Variants in KLHL3 observed in about 807,000 individuals in gnomAD.
KLHL3 encodes kelch-like protein 3.
In KLHL3, 19 loss-of-function variants were observed where a neutral mutation model predicts 70.5. The observed-to-expected ratio is 0.27, with a 90% CI of 0.19 to 0.40. The LOEUF is 0.40. KLHL3 is among the 10% of genes least tolerant of loss of function. The probability of loss-of-function intolerance (pLI) is 1.00; values close to 1 mark genes in which losing one functional copy is unlikely to be tolerated. For synonymous variants in KLHL3, 258 were observed against 290.3 expected, an observed-to-expected ratio of 0.89 and a Z score of 1.13; for missense variants, 512 against 771.1, an observed-to-expected ratio of 0.66 and a Z score of 3.98.
chr5:137,650,637 T>G (rs2149891846), intron 8 of KLHL3, among the ~76,000 whole-genome samples: 1 of 152,070 alleles, frequency 6.6e-6, no homozygotes, highest in African/African-American at 2.4e-5. Flanking sequence ...CTGACCAACA[T>G]GGTGAAACCC....
rs1752883982 is a variant in KLHL3, at chr5:137,715,956, G to C, written c.134+4509C>G. Among the ~76,000 whole-genome samples, 3 of 152,116 alleles carry C rather than the reference G, an allele frequency of 2.0e-5. No individual in the cohort carries two copies. The South Asian group carries it at 6.2e-4, about 31-fold the overall frequency. Reference sequence around the variant, plus strand: ...TCAGAGAGATTAATTAACTTGTCTAGGGTCACACAATAAGTACTAGAGCCA... The same window carrying C: ...TCAGAGAGATTAATTAACTTGTCTACGGTCACACAATAAGTACTAGAGCCA... On this transcript the variant is annotated intron_variant, in intron 2 of 14. Transcript: ENST00000309755.
chr5:137,697,486 T>C (rs1752473894), intron 4 of KLHL3, among the ~76,000 whole-genome samples: 1 of 152,200 alleles, frequency 6.6e-6, no homozygotes, highest in African/African-American at 2.4e-5. Context: ...TTCTTGTTTT[T>C]TCTCCAACAT....
chr5:137,720,322 G>T, intron 2 of KLHL3, 143 bp downstream of exon 2: 3 of 919,916 alleles, frequency 3.3e-6, no homozygotes, highest in Non-Finnish European at 4.9e-6. Context: ...AAGAGAGAAA[G>T]AAAGGGGAAC....
chr5:137,618,172 C>T lies in KLHL3; in HGVS notation c.*3926G>A, dbSNP rs914943777. The T allele has an allele frequency of 7.9e-5, 12 of 152,480 alleles. No individual in the cohort carries two copies. Among genetic ancestry groups the T allele is most frequent in the Admixed American group, 2.6e-4 (4 of 15,254 alleles). The allele number at this position is 152,480 out of a possible 1,614,324, so 9.4% of individuals were successfully genotyped here. A position where few individuals can be genotyped will look rare whatever the true frequency, so the allele number is the denominator to read the frequency against. On this transcript the variant is annotated 3_prime_UTR_variant, in exon 15 of 15. Coordinates refer to ENST00000309755, the MANE Select transcript of KLHL3 (RefSeq NM_017415.3). ...GGCTTAGGACTCTAAATAGTGCAAA[C>T]GCTTAAAAAAATTACATTCTAACCT...
At chr5:137,672,844 A>T (rs1264963841) in intron 6 of KLHL3, 2 of 152,210 alleles carry the variant, frequency 1.3e-5, no homozygotes, top group Non-Finnish European at 2.9e-5. Context: ...TCATGGCCAG[A>T]GCTGAACTTT....
At chr5:137,622,873 A>G (rs1274843649) in intron 14 of KLHL3, among the ~76,000 whole-genome samples, 5 of 152,204 alleles carry the variant, frequency 3.3e-5, no homozygotes, top group African/African-American at 9.7e-5. Context: ...CCTACTTGCT[A>G]TCCTCGACTA....
chr5:137,695,470 AGT>A (rs774978479), intron 4 of KLHL3, among the ~76,000 whole-genome samples: 2 of 152,126 alleles, frequency 1.3e-5, no homozygotes, highest in African/African-American at 2.4e-5. Flanking sequence ...CATACAGAAA[AGT>A]GTGGGAAAAA....
At position 137,735,843 on chromosome 5, in the gene KLHL3, A is replaced by C. The variant is rs893027477; in HGVS notation, c.-197T>G. 2.7e-5 allele frequency: 19 copies of C among 691,886 alleles called. No homozygotes were observed. The highest frequency in any genetic ancestry group is 4.3e-5 in the Non-Finnish European group (17 of 391,846). 42.9% of individuals were successfully genotyped at this position (691,886 alleles called of 1,614,324 possible). A position where few individuals can be genotyped will look rare whatever the true frequency, so the allele number is the denominator to read the frequency against. ...TCGCAGCAGCTTCTACCGCAAAAGC[A>C]GCAGCAACAGAAAATGTCTTACCCA... is the stretch of plus-strand genomic sequence containing the variant. On this transcript the variant is annotated 5_prime_UTR_variant, in exon 1 of 15. Transcript: ENST00000309755.
At chr5:137,659,430 T>C (rs947318092) in intron 7 of KLHL3, among the ~76,000 whole-genome samples, 128 of 152,242 alleles carry the variant, frequency 8.4e-4, no homozygotes, top group African/African-American at 2.9e-3. Context: ...GAAAAAAGGA[T>C]TGGCAAGAGA....
intron 2 of KLHL3, 115 bp downstream of exon 2, chr5:137,720,350 G>T: frequency 8.0e-7 from 1 of 1,247,462 alleles, no homozygotes; most frequent in African/African-American, 1.5e-5. Context: ...ACTAAGAATG[G>T]ATGGAAAGAG....
At chr5:137,667,467 T>C (rs953379656) in intron 6 of KLHL3, among the ~76,000 whole-genome samples, 23 of 152,154 alleles carry the variant, frequency 1.5e-4, no homozygotes, top group Non-Finnish European at 2.8e-4. Context: ...GACTGTCAAG[T>C]GGAAAGGAGT....
intron 5 of KLHL3, among the ~76,000 whole-genome samples, chr5:137,686,979 T>A: frequency 1.0e-5 from 1 of 100,282 alleles, no homozygotes; most frequent in Admixed American, 9.9e-5. Flanking sequence ...GGTGGGGGGG[T>A]CAGCCCCCCG....
At chr5:137,662,153 TTTAA>T (rs1410790351) in intron 6 of KLHL3, 122 bp from the exon 7 acceptor site, 3 of 625,730 alleles carry the variant, frequency 4.8e-6, no homozygotes, top group Admixed American at 5.5e-5. Context: ...CACAAAGGTG[TTTAA>T]TTAATCTGAG....
At chr5:137,683,029 T>C (rs1041923590) in intron 5 of KLHL3, among the ~76,000 whole-genome samples, 1 of 152,206 alleles carries the variant, frequency 6.6e-6, no homozygotes, top group Non-Finnish European at 1.5e-5. Flanking sequence ...ATGCTTAGAA[T>C]GGTGTTAGCT....
At chr5:137,708,133 T>C (rs1026639349) in intron 3 of KLHL3, among the ~76,000 whole-genome samples, 13 of 152,216 alleles carry the variant, frequency 8.5e-5, no homozygotes, top group Non-Finnish European at 1.6e-4. Context: ...GCTAGTTTTC[T>C]GGGCTACAGT....
chr5:137,636,734 G>A (rs1174436192), intron 11 of KLHL3, among the ~76,000 whole-genome samples: 3 of 152,040 alleles, frequency 2.0e-5, no homozygotes, highest in Non-Finnish European at 4.4e-5. Flanking sequence ...AAACAAAAGT[G>A]TACCATCTGA....
At chr5:137,628,200 C>T in intron 13 of KLHL3, 97 bp downstream of exon 13, 1 of 1,471,994 alleles carries the variant, frequency 6.8e-7, no homozygotes, top group Non-Finnish European at 9.4e-7. Flanking sequence ...ACGCTCAGCT[C>T]CAGACCCTGG....
At chr5:137,651,394 T>C (rs1561591174) in intron 8 of KLHL3, among the ~76,000 whole-genome samples, 2 of 152,216 alleles carry the variant, frequency 1.3e-5, no homozygotes, top group South Asian at 2.1e-4. Flanking sequence ...TTAAATAACC[T>C]TTCTCATCAA....
chr5:137,676,718 A>C (rs909592638), intron 6 of KLHL3, among the ~76,000 whole-genome samples: 2 of 152,238 alleles, frequency 1.3e-5, no homozygotes, highest in Middle Eastern at 3.2e-3. Context: ...GAGGAAACAC[A>C]GGAGAGGCAA....
Sources: allele counts gnomAD v4.1 joint callset (sites outside exome capture counted in the v4.1 genomes callset), GRCh38; gene constraint gnomAD v4.1.1; transcripts MANE v1.5; gene names NCBI Gene and HGNC (gene_info 2026-07-23, HGNC 2026-07-21).